The following TUSC3 variants were observed in gnomAD, a reference collection of about 807,000 sequenced individuals.
TUSC3 encodes the protein tumor suppressor candidate 3, also known as dolichyl-diphosphooligosaccharide--protein glycosyltransferase subunit TUSC3.
A neutral mutation model predicts 44.8 loss-of-function variants in TUSC3; 45 were observed. That is an observed-to-expected ratio of 1.00 (90% CI 0.79 to 1.29). The LOEUF (loss-of-function observed/expected upper bound fraction) is 1.29, where lower values mean the gene tolerates loss of function less well. TUSC3 is among the 50% of genes most tolerant of loss of function. The probability of loss-of-function intolerance (pLI) is 0.00; values close to 1 mark genes in which losing one functional copy is unlikely to be tolerated. For missense variants in TUSC3, 519 were observed against 437.9 expected, an observed-to-expected ratio of 1.19 and a Z score of -1.65; for synonymous variants, 212 against 152.9, an observed-to-expected ratio of 1.39 and a Z score of -2.85.
At chr8:15,771,974 A>T in the TUSC3 span, among the ~76,000 whole-genome samples, 1 of 152,126 alleles carries the variant, frequency 6.6e-6, no homozygotes. Flanking sequence ...CTGTAGTCCC[A>T]GCTACCTGGG....
chr8:15,599,521 G>C (rs1804195751), intron 1 of TUSC3, among the ~76,000 whole-genome samples: 1 of 151,524 alleles, frequency 6.6e-6, no homozygotes, highest in African/African-American at 2.4e-5. Context: ...CAGTTACCTA[G>C]GTTTTCTTTT....
intron 6 of TUSC3, among the ~76,000 whole-genome samples, chr8:15,712,940 A>G (rs1809916743): frequency 6.6e-6 from 1 of 152,058 alleles, no homozygotes; most frequent in African/African-American, 2.4e-5. Context: ...TCCATTGATA[A>G]TTACACTCTC....
intron 1 of TUSC3, among the ~76,000 whole-genome samples, chr8:15,604,381 A>G (rs953075820): frequency 7.9e-5 from 12 of 151,762 alleles, no homozygotes; most frequent in African/African-American, 2.4e-4. Context: ...ATTGCAAACT[A>G]ACAGACCTTA....
At chr8:15,501,031 T>C (rs1800957135) in intron 2 of TUSC3, among the ~76,000 whole-genome samples, 1 of 152,138 alleles carries the variant, frequency 6.6e-6, no homozygotes, top group Non-Finnish European at 1.5e-5. Context: ...TTTGTATTCT[T>C]GCTATCTTCC....
At chr8:15,697,636 G>A (rs1809227117) in intron 6 of TUSC3, among the ~76,000 whole-genome samples, 2 of 152,294 alleles carry the variant, frequency 1.3e-5, no homozygotes, top group Admixed American at 1.3e-4. Flanking sequence ...GTGAATGAAT[G>A]AGCCAAAGGA....
intron 1 of TUSC3, among the ~76,000 whole-genome samples, chr8:15,591,135 T>C (rs894285147): frequency 3.9e-5 from 6 of 152,300 alleles, no homozygotes; most frequent in Non-Finnish European, 7.4e-5. Flanking sequence ...CTTTTTTTGG[T>C]TATTTCAGAA....
intron 5 of TUSC3, among the ~76,000 whole-genome samples, chr8:15,668,801 C>T (rs758566087): frequency 6.6e-6 from 1 of 151,594 alleles, no homozygotes; most frequent in Non-Finnish European, 1.5e-5. Context: ...AGCCAGAGTT[C>T]AAAAAGAACC....
intron 6 of TUSC3, among the ~76,000 whole-genome samples, chr8:15,710,782 A>AAT (rs1040660152): frequency 6.7e-6 from 1 of 149,366 alleles, no homozygotes; most frequent in Admixed American, 6.7e-5. Context: ...GCATGAAGTG[A>AAT]ATATATATAT....
chr8:15,624,803 G>T (rs1202622227), intron 2 of TUSC3, among the ~76,000 whole-genome samples: 1 of 151,946 alleles, frequency 6.6e-6, no homozygotes, highest in African/African-American at 2.4e-5. Context: ...ATGAAGTTCA[G>T]TTTATTAGCT....
the TUSC3 span, among the ~76,000 whole-genome samples, chr8:15,819,644 T>G: frequency 6.6e-6 from 1 of 152,354 alleles, no homozygotes; most frequent in South Asian, 2.1e-4. Context: ...AGTCTTTTGA[T>G]GCCTTGCAAA....
At chr8:15,791,310 T>C in the TUSC3 span, among the ~76,000 whole-genome samples, 2 of 150,180 alleles carry the variant, frequency 1.3e-5, no homozygotes, top group Non-Finnish European at 3.0e-5. Context: ...CACACAGGCA[T>C]CTTGAAATAC....
the TUSC3 span, among the ~76,000 whole-genome samples, chr8:15,785,617 T>A: frequency 6.6e-6 from 1 of 152,108 alleles, no homozygotes; most frequent in Non-Finnish European, 1.5e-5. Context: ...ATCTGAGCAC[T>A]GCAACACCTC....
At chr8:15,422,927 G>A (rs1799755687) in intron 1 of TUSC3, among the ~76,000 whole-genome samples, 2 of 152,220 alleles carry the variant, frequency 1.3e-5, no homozygotes, top group Admixed American at 1.3e-4. Flanking sequence ...ACAGGTATGA[G>A]CCACTGCGTC....
intron 1 of TUSC3, among the ~76,000 whole-genome samples, chr8:15,589,583 C>G (rs984259491): frequency 1.3e-5 from 2 of 151,850 alleles, no homozygotes; most frequent in African/African-American, 4.8e-5. Flanking sequence ...AGCTTGCTGC[C>G]ACATTGGAAT....
At chr8:15,517,299 CAA>C (rs1801230466) in intron 2 of TUSC3, among the ~76,000 whole-genome samples, 1 of 152,166 alleles carries the variant, frequency 6.6e-6, no homozygotes, top group Middle Eastern at 3.4e-3. Flanking sequence ...AATGAAAACT[CAA>C]GTCTCGTTTC....
chr8:15,847,159 G>C, the TUSC3 span, among the ~76,000 whole-genome samples: 23 of 152,172 alleles, frequency 1.5e-4, no homozygotes, highest in Admixed American at 1.5e-3. Context: ...GCAGGGACTG[G>C]AAGCAGGGAG....
intron 6 of TUSC3, among the ~76,000 whole-genome samples, chr8:15,718,386 C>T (rs1810146292): frequency 6.6e-6 from 1 of 152,024 alleles, no homozygotes; most frequent in South Asian, 2.1e-4. Flanking sequence ...GCATAGAGTG[C>T]TGGAAAGATA....
chr8:15,649,372 C>T (rs997684280), intron 2 of TUSC3, among the ~76,000 whole-genome samples: 6 of 151,944 alleles, frequency 3.9e-5, no homozygotes, highest in African/African-American at 1.2e-4. Flanking sequence ...ATCACGAGGT[C>T]AGGAGATCGA....
intron 9 of TUSC3, among the ~76,000 whole-genome samples, chr8:15,755,811 A>G (rs968850845): frequency 6.6e-6 from 1 of 152,144 alleles, no homozygotes; most frequent in Non-Finnish European, 1.5e-5. Flanking sequence ...AATTCATTTT[A>G]TATATTACAT....
Sources: allele counts gnomAD v4.1 joint callset (sites outside exome capture counted in the v4.1 genomes callset), GRCh38; gene constraint gnomAD v4.1.1; transcripts MANE v1.5; gene names NCBI Gene and HGNC (gene_info 2026-07-23, HGNC 2026-07-21).